Variants in UNC80 observed in about 807,000 individuals in gnomAD.
UNC80 encodes the protein protein unc-80 homolog.
In UNC80, 164 loss-of-function variants were observed where a neutral mutation model predicts 384.6. The ratio of observed to expected loss-of-function variants is 0.43; its 90% CI spans 0.38 to 0.49. UNC80 has a LOEUF of 0.49. Among genes scored for constraint, UNC80 ranks in the 20% least tolerant of loss-of-function variants. The pLI is 0.00. For synonymous variants in UNC80, 1,486 were observed against 1,527.8 expected, an observed-to-expected ratio of 0.97 and a Z score of 0.64; for missense variants, 3,330 against 4,143.0, an observed-to-expected ratio of 0.80 and a Z score of 5.39.
chr2:209,859,176 T>G (rs1191382693), intron 22 of UNC80, among the ~76,000 whole-genome samples: 1 of 151,808 alleles, frequency 6.6e-6, no homozygotes, highest in Non-Finnish European at 1.5e-5. Flanking sequence ...TCCTCTAAGT[T>G]TCCTCTCCTC....
chr2:209,982,158 C>T, intron 59 of UNC80, 21 bp from the exon 60 acceptor site: 1 of 1,548,548 alleles, frequency 6.5e-7, no homozygotes, highest in East Asian at 2.4e-5. Context: ...TTGTAACACT[C>T]TATTCCTTTG....
intron 11 of UNC80, among the ~76,000 whole-genome samples, chr2:209,818,339 T>G (rs1401523563): frequency 6.6e-6 from 1 of 151,738 alleles, no homozygotes; most frequent in Non-Finnish European, 1.5e-5. Context: ...GCCACCAATT[T>G]TTTTTTTTTT....
intron 25 of UNC80, among the ~76,000 whole-genome samples, chr2:209,881,344 A>C (rs1164133573): frequency 1.3e-5 from 2 of 152,216 alleles, no homozygotes; most frequent in Admixed American, 1.3e-4. Context: ...TTTGATCACT[A>C]TCAATTATGC....
At chr2:209,992,990 G>C (rs1247328108) in intron 62 of UNC80, among the ~76,000 whole-genome samples, 1 of 152,140 alleles carries the variant, frequency 6.6e-6, no homozygotes, top group East Asian at 1.9e-4. Flanking sequence ...CATATGTCCA[G>C]CTATAAGTTT....
At chr2:209,849,936 G>T (rs961195435) in intron 22 of UNC80, among the ~76,000 whole-genome samples, 5 of 151,842 alleles carry the variant, frequency 3.3e-5, no homozygotes, top group African/African-American at 1.2e-4. Flanking sequence ...CTTCCTCCTC[G>T]GGCTAGTGCG....
At chr2:209,959,854 C>A in intron 51 of UNC80, 147 bp downstream of exon 51, 1 of 719,480 alleles carries the variant, frequency 1.4e-6, no homozygotes, top group South Asian at 1.9e-5. Flanking sequence ...ACACATCATA[C>A]AGAACCCTCT....
chr2:209,967,500 T>C lies in UNC80; in HGVS notation c.7869T>C (p.Ser2623=). Residue 2623 remains serine, a synonymous_variant, in exon 52 of 65, where the codon AGT becomes AGC. Coordinates refer to ENST00000673920, the MANE Select transcript of UNC80 (RefSeq NM_001371986.1). ...LAPYDTQTME[S]RGLRRYIMEM... is the part of the protein sequence containing the mutation. ...CATATGACACTCAGACAATGGAGAG[T>C]CGTGGGCTTCGGCGCTACATCATGG... The C allele has an allele frequency of 6.4e-7, 1 of 1,551,288 alleles. No homozygotes were observed. Among genetic ancestry groups the C allele is most frequent in the Non-Finnish European group, 8.7e-7 (1 of 1,146,920 alleles).
chr2:209,888,891 C>T (rs1367716841), intron 26 of UNC80, among the ~76,000 whole-genome samples: 1 of 152,074 alleles, frequency 6.6e-6, no homozygotes, highest in African/African-American at 2.4e-5. Flanking sequence ...TCAATGGCAT[C>T]TATTCGCACG....
Position 209,880,937 on chromosome 2 carries a change from T to C in UNC80, c.3977-24T>C, listed in dbSNP as rs574761602. 1.0e-5 allele frequency: 16 copies of C among 1,551,008 alleles called. No individual in the cohort carries two copies. The South Asian group carries it at 1.1e-4, about 10-fold the overall frequency. On this transcript the variant is annotated intron_variant, in intron 24 of 64. Transcript: ENST00000673920. ...TATTTTTTGTTGATTTGTCTCCTTA[T>C]GAAAGAACACTTTCATTTCCTAGGT... is the stretch of plus-strand genomic sequence containing the variant.
At chr2:209,860,033 A>G (rs2083235960) in intron 22 of UNC80, among the ~76,000 whole-genome samples, 1 of 152,096 alleles carries the variant, frequency 6.6e-6, no homozygotes, top group Admixed American at 6.5e-5. Flanking sequence ...GTTTAATTAT[A>G]TCCCATTTGT....
In UNC80 at chr2:209,839,189, A is replaced by T. The variant is rs1274985385; in HGVS notation, c.3042-33A>T. ...TTAGGAGAATTTCTCAAGTGTTGTC[A>T]GAAGTTTAACCCTATCCTCTGCTTG... On this transcript the variant is annotated intron_variant, in intron 18 of 64. Transcript: ENST00000673920. The surrounding 1 kb of genome is among the most constrained non-coding windows in gnomAD (Gnocchi z 4.1). The T allele has an allele frequency of 6.5e-7, 1 of 1,535,568 alleles. No individual in the cohort carries two copies. The highest frequency in any genetic ancestry group is 8.8e-7 in the Non-Finnish European group (1 of 1,135,318).
At chr2:209,944,504 G>C (rs2091817061) in intron 45 of UNC80, among the ~76,000 whole-genome samples, 1 of 151,972 alleles carries the variant, frequency 6.6e-6, no homozygotes, top group African/African-American at 2.4e-5. Flanking sequence ...TTTTGTTTTT[G>C]GTTTTCTATA....
At chr2:209,900,398 T>C (rs972437623) in intron 28 of UNC80, among the ~76,000 whole-genome samples, 1 of 152,186 alleles carries the variant, frequency 6.6e-6, no homozygotes, top group Non-Finnish European at 1.5e-5. Context: ...TGATCAGTGA[T>C]CCTTGATGAT....
intron 4 of UNC80, among the ~76,000 whole-genome samples, chr2:209,778,881 A>G (rs2077009142): frequency 6.6e-6 from 1 of 152,208 alleles, no homozygotes; most frequent in African/African-American, 2.4e-5. Flanking sequence ...GTGAACATTA[A>G]CAGTCACCAT....
chr2:209,982,113 C>A, intron 59 of UNC80, 66 bp from the exon 60 acceptor site: 2 of 1,492,216 alleles, frequency 1.3e-6, no homozygotes, highest in South Asian at 1.3e-5. Context: ...CCAAGTACAG[C>A]TTTGGTTGGG....
rs899924515 is a variant in UNC80, at chr2:209,789,034, A to C, written c.725-498A>C. ...TGCCTACAGGATTCAATACAGTAAC[A>C]TACTGTACAGGTTTGTAGCCTAGAA... On this transcript the variant is annotated intron_variant, in intron 5 of 64. Transcript: ENST00000673920. Among the ~76,000 whole-genome samples the C allele has an allele frequency of 2.0e-5, 3 of 152,310 alleles. No individual in the cohort carries two copies. In the South Asian group the frequency reaches 6.2e-4, roughly 32 times the overall value.
At position 209,777,006 on chromosome 2, in the gene UNC80, C is replaced by G. The variant is rs188812668; in HGVS notation, c.299-252C>G. Among the ~76,000 whole-genome samples, 218 of 152,258 alleles carry G rather than the reference C, an allele frequency of 1.4e-3. 1 individual carries two copies. Among genetic ancestry groups the G allele is most frequent in the African/African-American group, 5.0e-3 (209 of 41,534 alleles). ...AGAGTCTATATTTTTAACCACTACGCTGCCTATTTGGAAATATATTTGGGT... is the reference window on the plus strand; with the variant it reads ...AGAGTCTATATTTTTAACCACTACGGTGCCTATTTGGAAATATATTTGGGT... On this transcript the variant is annotated intron_variant, in intron 3 of 64. Transcript: ENST00000673920.
chr2:209,934,591 T>A (rs944737582), intron 39 of UNC80, among the ~76,000 whole-genome samples: 1 of 152,088 alleles, frequency 6.6e-6, no homozygotes, highest in African/African-American at 2.4e-5. Context: ...GAAATAGAAG[T>A]GAAAGACAGA....
intron 25 of UNC80, among the ~76,000 whole-genome samples, chr2:209,882,363 G>T (rs2085378701): frequency 6.6e-6 from 1 of 152,112 alleles, no homozygotes; most frequent in Non-Finnish European, 1.5e-5. Context: ...GGGGGTTCCG[G>T]TGTCACTGCA....
Sources: gnomAD v4.1 joint callset for allele counts (sites outside exome capture counted in the v4.1 genomes callset) on GRCh38, gnomAD v4.1.1 for gene constraint, Gnocchi (gnomAD v3.1) non-coding constraint, MANE v1.5 for transcripts, NCBI Gene and HGNC (gene_info 2026-07-23, HGNC 2026-07-21) for gene names.